The following ATP9A variants were observed in gnomAD, a reference collection of about 807,000 sequenced individuals.
ATP9A encodes probable phospholipid-transporting ATPase IIA.
ATP9A carries 52 observed loss-of-function variants against 144.1 expected under a neutral mutation model. The observed-to-expected ratio is 0.36, with a 90% CI of 0.29 to 0.45. The LOEUF is 0.45. Among genes scored for constraint, ATP9A ranks in the 20% least tolerant of loss-of-function variants. The probability of loss-of-function intolerance (pLI) is 1.00; values close to 1 mark genes in which losing one functional copy is unlikely to be tolerated. For synonymous variants in ATP9A, 582 were observed against 557.4 expected (o/e 1.04, Z -0.62); for missense variants, 947 against 1,392.7 (o/e 0.68, Z 5.09).
intron 18 of ATP9A, among the ~76,000 whole-genome samples, chr20:51,624,561 C>T: frequency 6.6e-6 from 1 of 152,168 alleles, no homozygotes; most frequent in East Asian, 1.9e-4. Context: ...GGCCACACGG[C>T]AGACAGACCG....
In ATP9A at chr20:51,653,804, G is replaced by T. The variant is rs747170561; in HGVS notation, c.1506+3134C>A. 5.3e-5 allele frequency among the ~76,000 whole-genome samples: 8 copies of T among 151,754 alleles called. 1 individual carries two copies. The East Asian group carries it at 1.6e-3, about 29-fold the overall frequency. ...AAAAAGGCCTGGCACGGTGGCTCAC[G>T]CCTGTAGTCCCAGCACTATGGGAGG... On this transcript the variant is annotated intron_variant, in intron 14 of 27. Coordinates refer to ENST00000338821, the MANE Select transcript of ATP9A (RefSeq NM_006045.3).
chr20:51,763,512 CTTG>C (rs1568851972), intron 1 of ATP9A, among the ~76,000 whole-genome samples: 2 of 151,818 alleles, frequency 1.3e-5, no homozygotes, highest in Non-Finnish European at 2.9e-5. Flanking sequence ...TGGGGTTTCA[CTTG>C]TGTTAGCCAG....
chr20:51,642,726 C>CAAAAAAAAAAAAAAAAAAAAAAAA (rs778440862), intron 14 of ATP9A, among the ~76,000 whole-genome samples: 4 of 31,146 alleles, frequency 1.3e-4, no homozygotes, highest in Non-Finnish European at 1.5e-4. Flanking sequence ...ACTCTGTCTC[C>CAAAAAAAAAAAAAAAAAAAAAAAA]AAAAAAAAAA....
intron 14 of ATP9A, among the ~76,000 whole-genome samples, chr20:51,640,109 C>T: frequency 6.6e-6 from 1 of 151,790 alleles, no homozygotes; most frequent in Non-Finnish European, 1.5e-5. Context: ...ACCACCCCCA[C>T]TCCGAAAAAA....
intron 22 of ATP9A, among the ~76,000 whole-genome samples, 164 bp downstream of exon 22, chr20:51,617,326 C>CA (rs2077207251): frequency 6.6e-6 from 1 of 152,154 alleles, no homozygotes; most frequent in Admixed American, 6.5e-5. Context: ...TGTAGCAATA[C>CA]AGACCTCTAT....
chr20:51,705,769 G>GC (rs1332525883), intron 4 of ATP9A, among the ~76,000 whole-genome samples: 16 of 152,132 alleles, frequency 1.1e-4, no homozygotes, highest in Admixed American at 1.0e-3. Flanking sequence ...TTTGGGGAAG[G>GC]CAAGTATAAA....
chr20:51,672,862 A>C (rs1351969150), intron 11 of ATP9A, among the ~76,000 whole-genome samples: 1 of 142,334 alleles, frequency 7.0e-6, no homozygotes, highest in African/African-American at 2.5e-5. Flanking sequence ...TGATGTGAAA[A>C]GTTATTCAAA....
In ATP9A at chr20:51,608,644, C is replaced by T; in HGVS notation, c.2637-18G>A. 1 of 1,525,590 alleles carries T rather than the reference C, an allele frequency of 6.6e-7. No individual in the cohort carries two copies. Among genetic ancestry groups the T allele is most frequent in the Non-Finnish European group, 9.1e-7 (1 of 1,099,496 alleles). The allele number at this position is 1,525,590 out of a possible 1,614,324, so 94.5% of individuals were successfully genotyped here. The stretch of plus-strand genomic sequence containing the variant: ...TGGAGTACCTGGGAGAGAAAACCGC[C>T]ATAGGTAAGACCTGGCTGACGCGAT... On this transcript the variant is annotated intron_variant, in intron 24 of 27. Coordinates refer to ENST00000338821, the MANE Select transcript of ATP9A (RefSeq NM_006045.3).
Position 51,764,964 on chromosome 20 carries a change from G to A in ATP9A, c.68+3338C>T, listed in dbSNP as rs916241847. Among the ~76,000 whole-genome samples the A allele has an allele frequency of 4.6e-5, 7 of 152,044 alleles. No individual in the cohort carries two copies. The East Asian group carries it at 5.8e-4, about 13-fold the overall frequency. ...TCGAACTCCTGACCTCGAGTGATCC[G>A]CCCACCTTGGCCTCCCAAAGTGCTG... is the stretch of plus-strand genomic sequence containing the variant. On this transcript the variant is annotated intron_variant, in intron 1 of 27. Transcript: ENST00000338821.
At chr20:51,705,980 T>C (rs1601116832) in intron 4 of ATP9A, among the ~76,000 whole-genome samples, 1 of 152,306 alleles carries the variant, frequency 6.6e-6, no homozygotes, top group Non-Finnish European at 1.5e-5. Flanking sequence ...TAAGAACTGC[T>C]CTTAAGTCTC....
At chr20:51,628,196 T>C (rs1197869613) in intron 16 of ATP9A, among the ~76,000 whole-genome samples, 1 of 152,184 alleles carries the variant, frequency 6.6e-6, no homozygotes, top group African/African-American at 2.4e-5. Context: ...TGTAGGCATT[T>C]GAGTTTGCAA....
At chr20:51,686,239 T>C (rs1053959392) in intron 9 of ATP9A, among the ~76,000 whole-genome samples, 5 of 151,802 alleles carry the variant, frequency 3.3e-5, no homozygotes, top group Admixed American at 1.3e-4. Flanking sequence ...TGGGGAGGGA[T>C]AGCATTAGGA....
chr20:51,680,049 G>A (rs1247469504), intron 9 of ATP9A, among the ~76,000 whole-genome samples: 1 of 151,934 alleles, frequency 6.6e-6, no homozygotes, highest in Non-Finnish European at 1.5e-5. Context: ...GGCCAACATG[G>A]TGAAATCCCG....
chr20:51,712,000 T>C lies in ATP9A; in HGVS notation c.436+966A>G, dbSNP rs568058541. Among the ~76,000 whole-genome samples, 17 of 148,274 alleles carry C rather than the reference T, an allele frequency of 1.1e-4. No homozygotes were observed. The East Asian group carries it at 2.8e-3, about 24-fold the overall frequency. ...CCTCCGGAGTAGCTGGGATTACAGA[T>C]GAATGCAACCATGTCCAGCTAATTT... On this transcript the variant is annotated intron_variant, in intron 4 of 27. Transcript: ENST00000338821.
At chr20:51,686,753 G>A (rs2077524757) in intron 9 of ATP9A, among the ~76,000 whole-genome samples, 1 of 152,124 alleles carries the variant, frequency 6.6e-6, no homozygotes, top group Non-Finnish European at 1.5e-5. Context: ...TGGCCAACAT[G>A]GTGAAATCCC....
In ATP9A at chr20:51,768,340, C is replaced by T; in HGVS notation, c.30G>A (p.Val10=). Residue 10 remains valine (V), a synonymous_variant, in exon 1 of 28, where the codon GTG becomes GTA. Transcript: ENST00000338821. MTDNIPLQP[V]RQKKRMDSRP... Reference sequence around the variant, plus strand: ...TGCTGTCCATCCGCTTCTTCTGGCGCACCGGCTGCAGCGGGATGTTGTCCG... The same window carrying T: ...TGCTGTCCATCCGCTTCTTCTGGCGTACCGGCTGCAGCGGGATGTTGTCCG... 1 of 1,308,792 alleles carries T rather than the reference C, an allele frequency of 7.6e-7. No homozygotes were observed. 81.1% of individuals were successfully genotyped at this position (1,308,792 alleles called of 1,614,324 possible).
chr20:51,700,333 C>T (rs576064902), intron 4 of ATP9A, among the ~76,000 whole-genome samples: 2 of 152,234 alleles, frequency 1.3e-5, no homozygotes, highest in East Asian at 1.9e-4. Flanking sequence ...CCAGCCTAGG[C>T]AACATAGCAA....
chr20:51,716,205 C>T (rs557674714), intron 3 of ATP9A, among the ~76,000 whole-genome samples: 1 of 152,174 alleles, frequency 6.6e-6, no homozygotes, highest in South Asian at 2.1e-4. Context: ...AACAAAAATA[C>T]TCCACATTTA....
At chr20:51,605,924 AAAG>A (rs1417028085) in intron 26 of ATP9A, among the ~76,000 whole-genome samples, 2 of 151,932 alleles carry the variant, frequency 1.3e-5, no homozygotes, top group Admixed American at 6.6e-5. Flanking sequence ...AAAAAAAAAA[AAAG>A]AATAAACCCC....
Sources: allele counts gnomAD v4.1 joint callset (sites outside exome capture counted in the v4.1 genomes callset), GRCh38; gene constraint gnomAD v4.1.1; transcripts MANE v1.5; gene names NCBI Gene and HGNC (gene_info 2026-07-23, HGNC 2026-07-21).